ANKS1B: variants seen among roughly 807,000 people sequenced by gnomAD.
The protein encoded by ANKS1B is ankyrin repeat and sterile alpha motif domain-containing protein 1B.
In ANKS1B, 36 loss-of-function variants were observed where a neutral mutation model predicts 148.3. The ratio of observed to expected loss-of-function variants is 0.24; its 90% CI spans 0.19 to 0.32. The LOEUF is 0.32. ANKS1B is among the 10% of genes least tolerant of loss of function. ANKS1B has a pLI of 1.00. For missense variants in ANKS1B, 1,157 were observed against 1,542.6 expected (o/e 0.75, Z 4.19); for synonymous variants, 542 against 560.8 (o/e 0.97, Z 0.47).
intron 12 of ANKS1B, among the ~76,000 whole-genome samples, chr12:99,361,882 C>A (rs2092492601): frequency 6.6e-6 from 1 of 151,866 alleles, no homozygotes; most frequent in African/African-American, 2.4e-5. Flanking sequence ...GTTCGCATTT[C>A]CTTAACATTC....
At chr12:99,253,578 AT>A (rs1284577157) in intron 12 of ANKS1B, among the ~76,000 whole-genome samples, 1 of 152,186 alleles carries the variant, frequency 6.6e-6, no homozygotes, top group Non-Finnish European at 1.5e-5. Flanking sequence ...ATAGAGGGCA[AT>A]TTTAGGAATA....
chr12:99,792,766 T>C (rs146318500), intron 4 of ANKS1B, among the ~76,000 whole-genome samples: 3,998 of 152,114 alleles, frequency 0.026, 185 homozygotes, highest in African/African-American at 0.091. Flanking sequence ...ACTGAAAGCC[T>C]TTCCTCTAAG....
intron 14 of ANKS1B, among the ~76,000 whole-genome samples, chr12:99,239,098 G>C (rs1407944963): frequency 6.6e-6 from 1 of 152,124 alleles, no homozygotes; most frequent in Middle Eastern, 3.2e-3. Flanking sequence ...GCCTTCAGAA[G>C]GTTGGAATAA....
At position 99,806,465 on chromosome 12, in the gene ANKS1B, C is replaced by T. The variant is rs2067652653; in HGVS notation, c.608G>A (p.Arg203His). The change falls in exon 4 of 27, where the codon CGC becomes CAC. Residue 203 changes from arginine to histidine, a missense_variant. Physicochemically the swap from Arg to His is conservative, Grantham distance 29. Coordinates refer to ENST00000683438, the MANE Select transcript of ANKS1B (RefSeq NM_001352186.2). ...CTGCACGACTGCTTTGTGGCCATTG[C>T]GCGCAGCAAGGTGAAGTGGCGTGTG... ...RKHTPLHLAA[R>H]NGHKAVVQVL... 4 of 1,613,856 alleles carry T rather than the reference C, an allele frequency of 2.5e-6. No homozygotes were observed. The highest frequency in any genetic ancestry group is 2.5e-6 in the Non-Finnish European group (3 of 1,179,872).
chr12:99,055,642 A>T (rs2099969149), intron 16 of ANKS1B, among the ~76,000 whole-genome samples: 1 of 151,056 alleles, frequency 6.6e-6, no homozygotes, highest in Non-Finnish European at 1.5e-5. Flanking sequence ...TGTCCCTCCA[A>T]TCCCCCTTTC....
At chr12:99,590,879 A>G (rs2097696099) in intron 9 of ANKS1B, among the ~76,000 whole-genome samples, 1 of 152,142 alleles carries the variant, frequency 6.6e-6, no homozygotes, top group Non-Finnish European at 1.5e-5. Flanking sequence ...AAAATCTCTG[A>G]CTTCTCAGAG....
chr12:99,096,945 T>C (rs1469564595), intron 15 of ANKS1B: 1 of 152,194 alleles, frequency 6.6e-6, no homozygotes, highest in East Asian at 1.9e-4. Flanking sequence ...GTTAAAGAGG[T>C]GATAAACAGC....
intron 12 of ANKS1B, among the ~76,000 whole-genome samples, chr12:99,369,679 T>C (rs1198138440): frequency 1.3e-5 from 2 of 152,084 alleles, no homozygotes; most frequent in African/African-American, 4.8e-5. Context: ...TCTCCAGAAT[T>C]TATTTTCAAA....
At chr12:99,545,784 A>G (rs900551431) in intron 9 of ANKS1B, among the ~76,000 whole-genome samples, 1 of 124,050 alleles carries the variant, frequency 8.1e-6, no homozygotes, top group African/African-American at 3.3e-5. Context: ...TATAAATTAT[A>G]TATATATATA....
At chr12:99,864,634 T>G (rs2090491600) in intron 1 of ANKS1B, among the ~76,000 whole-genome samples, 1 of 152,210 alleles carries the variant, frequency 6.6e-6, no homozygotes, top group Admixed American at 6.5e-5. Context: ...GACTGGGGTC[T>G]GAATTCAGAT....
chr12:99,700,608 G>A (rs1441132780), intron 8 of ANKS1B, among the ~76,000 whole-genome samples: 1 of 151,702 alleles, frequency 6.6e-6, no homozygotes, highest in Admixed American at 6.6e-5. Flanking sequence ...TTTCTTTATT[G>A]AGAACTTTCA....
chr12:99,285,513 C>T lies in ANKS1B; in HGVS notation c.1757-38649G>A, dbSNP rs1411030220. On this transcript the variant is annotated intron_variant, in intron 12 of 26. Transcript: ENST00000683438. Reference sequence around the variant, plus strand: ...ATGACCGAGTCTAGAGAAGGTGAAGCAAAATGACTGAATAGAACTTTCCAG... The same window carrying T: ...ATGACCGAGTCTAGAGAAGGTGAAGTAAAATGACTGAATAGAACTTTCCAG... Among the ~76,000 whole-genome samples the T allele has an allele frequency of 2.6e-5, 4 of 152,138 alleles. No individual in the cohort carries two copies. The East Asian group carries it at 7.7e-4, about 29-fold the overall frequency.
intron 1 of ANKS1B, among the ~76,000 whole-genome samples, chr12:99,873,362 A>G (rs2091742258): frequency 6.6e-6 from 1 of 152,128 alleles, no homozygotes; most frequent in African/African-American, 2.4e-5. Flanking sequence ...GATTCTTTCA[A>G]AGAAGAATAC....
chr12:99,177,631 A>G (rs1469337096), intron 14 of ANKS1B, among the ~76,000 whole-genome samples: 1 of 152,238 alleles, frequency 6.6e-6, no homozygotes, highest in Non-Finnish European at 1.5e-5. Context: ...AGCACATCCC[A>G]GCAGAGGTAT....
chr12:98,923,902 T>A (rs1454915014), intron 17 of ANKS1B, among the ~76,000 whole-genome samples: 1 of 152,210 alleles, frequency 6.6e-6, no homozygotes, highest in Non-Finnish European at 1.5e-5. Context: ...TCTTTTTTGC[T>A]CTTAATATCT....
intron 1 of ANKS1B, among the ~76,000 whole-genome samples, chr12:99,950,121 T>TC (rs1286654150): frequency 6.9e-6 from 1 of 144,750 alleles, no homozygotes; most frequent in Non-Finnish European, 1.5e-5. Flanking sequence ...TAATTTTTTT[T>TC]TTTTTTTTTT....
At chr12:99,149,456 T>TGTAG (rs1279238432) in intron 15 of ANKS1B, among the ~76,000 whole-genome samples, 1 of 152,146 alleles carries the variant, frequency 6.6e-6, no homozygotes, top group African/African-American at 2.4e-5. Flanking sequence ...TGCCAATTCA[T>TGTAG]GTAGGGCTAT....
At chr12:99,826,285 T>G (rs930851936) in intron 1 of ANKS1B, among the ~76,000 whole-genome samples, 1 of 152,080 alleles carries the variant, frequency 6.6e-6, no homozygotes, top group Non-Finnish European at 1.5e-5. Flanking sequence ...ATGGAAAAGA[T>G]AGACACACAA....
chr12:99,095,867 T>C (rs934078347), intron 15 of ANKS1B, among the ~76,000 whole-genome samples: 1 of 152,196 alleles, frequency 6.6e-6, no homozygotes, highest in Non-Finnish European at 1.5e-5. Context: ...GTTGTGAATT[T>C]CTCATAAAAA....
Sources: allele counts gnomAD v4.1 joint callset (sites outside exome capture counted in the v4.1 genomes callset), GRCh38; gene constraint gnomAD v4.1.1; transcripts MANE v1.5; gene names NCBI Gene and HGNC (gene_info 2026-07-23, HGNC 2026-07-21).